MTUS2: variants seen among roughly 807,000 people sequenced by gnomAD.
The protein encoded by MTUS2 is microtubule associated scaffold protein 2, also known as microtubule-associated tumor suppressor candidate 2.
A neutral mutation model predicts 114.1 loss-of-function variants in MTUS2; 40 were observed. The observed-to-expected ratio is 0.35, with a 90% CI of 0.27 to 0.46. The LOEUF (loss-of-function observed/expected upper bound fraction) is 0.46, where lower values mean the gene tolerates loss of function less well. Among genes scored for constraint, MTUS2 ranks in the 20% least tolerant of loss-of-function variants. The pLI is 1.00. For missense variants in MTUS2, 1,679 were observed against 1,705.4 expected (o/e 0.98, Z 0.27); for synonymous variants, 688 against 672.0 (o/e 1.02, Z -0.37).
intron 9 of MTUS2, among the ~76,000 whole-genome samples, chr13:29,444,924 G>A (rs1173457941): frequency 1.3e-5 from 2 of 152,180 alleles, no homozygotes; most frequent in African/African-American, 4.8e-5. Context: ...CTGCCTGGGG[G>A]ACTCAGTCTT....
intron 5 of MTUS2, among the ~76,000 whole-genome samples, chr13:29,224,854 G>A (rs532004493): frequency 6.6e-6 from 1 of 152,246 alleles, no homozygotes; most frequent in East Asian, 1.9e-4. Context: ...AATCCACCAA[G>A]TTCTGGAGAC....
intron 9 of MTUS2, among the ~76,000 whole-genome samples, chr13:29,441,152 A>T (rs2098115101): frequency 6.6e-6 from 1 of 151,900 alleles, no homozygotes; most frequent in Non-Finnish European, 1.5e-5. Flanking sequence ...GAGCAGCAGG[A>T]CCCTGCTACT....
chr13:29,402,732 A>G (rs1027403721), intron 8 of MTUS2, among the ~76,000 whole-genome samples: 1 of 152,152 alleles, frequency 6.6e-6, no homozygotes, highest in African/African-American at 2.4e-5. Flanking sequence ...ATTTCCTTCC[A>G]ATACATACTT....
At chr13:29,151,811 T>C (rs1245931637) in intron 5 of MTUS2, among the ~76,000 whole-genome samples, 2 of 152,340 alleles carry the variant, frequency 1.3e-5, no homozygotes, top group East Asian at 3.9e-4. Flanking sequence ...TTGTTTTTAA[T>C]TCTGTTTATG....
chr13:29,278,773 G>A (rs967564657), intron 5 of MTUS2, among the ~76,000 whole-genome samples: 3 of 152,142 alleles, frequency 2.0e-5, no homozygotes, highest in African/African-American at 7.2e-5. Flanking sequence ...ATGGTCAATT[G>A]TGTTATCCTC....
rs1883045849 is a variant in MTUS2, at chr13:29,503,451, G to T, written c.*245G>T. 1 of 584,422 alleles carries T rather than the reference G, an allele frequency of 1.7e-6. No individual in the cohort carries two copies. Among genetic ancestry groups the T allele is most frequent in the Non-Finnish European group, 3.0e-6 (1 of 328,022 alleles). 36.2% of individuals were successfully genotyped at this position (584,422 alleles called of 1,614,324 possible). On this transcript the variant is annotated 3_prime_UTR_variant, in exon 16 of 16. Transcript: ENST00000612955. ...AGTTAGAGCCAAAAGAAAGACACTT[G>T]CAATTGTTCTTGAGCAATGAACTTT...
At position 29,503,333 on chromosome 13, in the gene MTUS2, C is replaced by T. The variant is rs1006375475; in HGVS notation, c.*127C>T. On this transcript the variant is annotated 3_prime_UTR_variant, in exon 16 of 16. Coordinates refer to ENST00000612955, the MANE Select transcript of MTUS2 (RefSeq NM_001033602.4). ...TCAGTAGCTGCGAATGCATCCTAGG[C>T]GCGTCCTCCTCTGATCCCCGTGTAA... 3.9e-6 allele frequency: 4 copies of T among 1,034,912 alleles called. No homozygotes were observed. Among genetic ancestry groups the T allele is most frequent in the Middle Eastern group, 3.0e-4 (1 of 3,306 alleles). The allele number at this position is 1,034,912 out of a possible 1,614,324, so 64.1% of individuals were successfully genotyped here. A position where few individuals can be genotyped will look rare whatever the true frequency, so the allele number is the denominator to read the frequency against.
At chr13:28,950,409 TATGTTAATGAC>T (rs1315703167) in intron 2 of MTUS2, among the ~76,000 whole-genome samples, 1 of 152,238 alleles carries the variant, frequency 6.6e-6, no homozygotes, top group Admixed American at 6.5e-5. Context: ...ACCGTTTCAC[TATGTTAATGAC>T]AATTTTTGAT....
intron 5 of MTUS2, among the ~76,000 whole-genome samples, chr13:29,135,058 T>C (rs1891922367): frequency 6.6e-6 from 1 of 152,234 alleles, no homozygotes; most frequent in Non-Finnish European, 1.5e-5. Context: ...TAGGTTTTAA[T>C]TATTGTATGC....
intron 6 of MTUS2, among the ~76,000 whole-genome samples, chr13:29,284,448 G>T (rs898446908): frequency 1.3e-5 from 2 of 151,256 alleles, no homozygotes; most frequent in African/African-American, 4.9e-5. Flanking sequence ...GGAATAAAAG[G>T]AGAGACTAAG....
intron 8 of MTUS2, among the ~76,000 whole-genome samples, chr13:29,401,470 T>G (rs950851394): frequency 6.6e-6 from 1 of 152,224 alleles, no homozygotes; most frequent in African/African-American, 2.4e-5. Flanking sequence ...TATTTGCCTC[T>G]GATACAGCAA....
At chr13:29,411,768 G>A (rs950084942) in intron 8 of MTUS2, among the ~76,000 whole-genome samples, 4 of 152,166 alleles carry the variant, frequency 2.6e-5, no homozygotes, top group African/African-American at 9.7e-5. Flanking sequence ...CTCATTTAAA[G>A]TTTTCCTCAG....
chr13:29,469,488 G>T (rs185284202), intron 9 of MTUS2, among the ~76,000 whole-genome samples: 2 of 152,028 alleles, frequency 1.3e-5, no homozygotes, highest in East Asian at 3.9e-4. Context: ...TTAGTTGGGC[G>T]TGGTGGTGGG....
intron 2 of MTUS2, among the ~76,000 whole-genome samples, chr13:28,881,791 A>AGACAGTTTTGAAAAAAGAT (rs1200590180): frequency 6.6e-6 from 1 of 152,194 alleles, no homozygotes; most frequent in East Asian, 1.9e-4. Flanking sequence ...GAAATGGCCA[A>AGACAGTTTTGAAAAAAGAT]GACAGTTTTG....
At chr13:29,095,077 T>C (rs1030351911) in intron 4 of MTUS2, among the ~76,000 whole-genome samples, 2 of 152,128 alleles carry the variant, frequency 1.3e-5, no homozygotes, top group Non-Finnish European at 2.9e-5. Context: ...TTTTATGGCC[T>C]AAGATATAGT....
intron 6 of MTUS2, among the ~76,000 whole-genome samples, chr13:29,283,535 G>A (rs1260863890): frequency 1.3e-5 from 2 of 152,168 alleles, no homozygotes; most frequent in African/African-American, 4.8e-5. Context: ...GTTAAAACAC[G>A]GTGGTTGAAT....
intron 4 of MTUS2, among the ~76,000 whole-genome samples, chr13:29,070,291 G>T (rs1888856421): frequency 6.6e-6 from 1 of 152,010 alleles, no homozygotes; most frequent in Admixed American, 6.6e-5. Context: ...CTCCTCTCTG[G>T]TTTACTTATT....
At chr13:29,082,786 A>G (rs1189382028) in intron 4 of MTUS2, among the ~76,000 whole-genome samples, 1 of 152,134 alleles carries the variant, frequency 6.6e-6, no homozygotes, top group African/African-American at 2.4e-5. Context: ...GTATTCTTAT[A>G]TTGTATACAG....
chr13:28,922,963 G>A lies in MTUS2; in HGVS notation c.-243+83113G>A, dbSNP rs572901376. Among the ~76,000 whole-genome samples the A allele has an allele frequency of 3.3e-5, 5 of 152,230 alleles. No homozygotes were observed. The South Asian group carries it at 1.0e-3, about 32-fold the overall frequency. ...CCCACTTTCCTTTTCCTTTCCTTCT[G>A]AAACTCCAGCGATACAAATGTTGGA... On this transcript the variant is annotated intron_variant, in intron 2 of 15. Transcript: ENST00000612955.
Sources: allele counts gnomAD v4.1 joint callset (sites outside exome capture counted in the v4.1 genomes callset), GRCh38; gene constraint gnomAD v4.1.1; transcripts MANE v1.5; gene names NCBI Gene and HGNC (gene_info 2026-07-23, HGNC 2026-07-21).